KLF8: variants seen among roughly 807,000 people sequenced by gnomAD.
The protein encoded by KLF8 is KLF transcription factor 8, also known as Krueppel-like factor 8.
KLF8 carries 10 observed loss-of-function variants against 18.2 expected under a neutral mutation model. The observed-to-expected ratio is 0.55, with a 90% CI of 0.34 to 0.93. KLF8 has a LOEUF of 0.93. Ranked by LOEUF, KLF8 falls within the 40% of genes least tolerant of loss-of-function variation. The pLI is 0.02. For synonymous variants in KLF8, 109 were observed against 97.3 expected (o/e 1.12, Z -0.71); for missense variants, 264 against 277.9 (o/e 0.95, Z 0.36).
At chrX:56,242,184 C>T (rs977569627) in intron 1 of KLF8, among the ~76,000 whole-genome samples, 1 of 112,121 alleles carries the variant, frequency 8.9e-6, no homozygotes, top group Non-Finnish European at 1.9e-5. Context: ...TTCATTCTGG[C>T]GTATTTATTT....
intron 1 of KLF8, among the ~76,000 whole-genome samples, chrX:56,246,532 A>C (rs1472220603): frequency 9.0e-6 from 1 of 111,551 alleles, no homozygotes; most frequent in African/African-American, 3.3e-5. Flanking sequence ...AAACAGACAC[A>C]GGAGGCTGGA....
At chrX:56,214,322 T>C in the KLF8 span, among the ~76,000 whole-genome samples, 3 of 112,522 alleles carry the variant, frequency 2.7e-5, no homozygotes, top group African/African-American at 9.7e-5. Context: ...AGAATTTCTC[T>C]GCCTCCTGTC....
the KLF8 span, among the ~76,000 whole-genome samples, chrX:56,131,774 G>T: frequency 1.8e-5 from 2 of 111,373 alleles, no homozygotes; most frequent in South Asian, 7.5e-4. Context: ...ATAAACTTAA[G>T]GTAAAAGGGT....
the KLF8 span, among the ~76,000 whole-genome samples, chrX:56,210,681 C>A: frequency 9.1e-6 from 1 of 109,970 alleles, no homozygotes; most frequent in South Asian, 3.9e-4. Flanking sequence ...TAGATTTGCC[C>A]TTTTGACACT....
chrX:56,188,083 T>A, the KLF8 span, among the ~76,000 whole-genome samples: 66 of 111,039 alleles, frequency 5.9e-4, no homozygotes, highest in African/African-American at 2.1e-3. Flanking sequence ...GAAGTCAAAT[T>A]GTCCCTGTTT....
At chrX:56,019,074 C>T in the KLF8 span, among the ~76,000 whole-genome samples, 2 of 111,489 alleles carry the variant, frequency 1.8e-5, no homozygotes, top group Non-Finnish European at 3.8e-5. Context: ...GGGTGGAATC[C>T]CCATACTGCT....
At chrX:56,192,875 C>A in the KLF8 span, among the ~76,000 whole-genome samples, 807 of 111,600 alleles carry the variant, frequency 7.2e-3, 35 homozygotes, top group Admixed American at 0.069. Flanking sequence ...AAGTTTCTAT[C>A]ACAAGAAAAC....
At chrX:56,197,904 T>A in the KLF8 span, among the ~76,000 whole-genome samples, 2 of 112,034 alleles carry the variant, frequency 1.8e-5, no homozygotes, top group Non-Finnish European at 3.8e-5. Flanking sequence ...TCAAGTTGGC[T>A]TCCTCCCTGG....
chrX:56,023,647 CTT>C, the KLF8 span, among the ~76,000 whole-genome samples: 1 of 105,068 alleles, frequency 9.5e-6, no homozygotes. Flanking sequence ...GGTATTCATA[CTT>C]TTTTTTTTTA....
the KLF8 span, among the ~76,000 whole-genome samples, chrX:56,079,000 A>ATTCAT: frequency 3.6e-5 from 4 of 109,811 alleles, no homozygotes; most frequent in Admixed American, 2.9e-4. Flanking sequence ...CCCCTTTATC[A>ATTCAT]TTTTTTATCA....
At chrX:56,058,289 T>TACATAC in the KLF8 span, among the ~76,000 whole-genome samples, 2,040 of 25,046 alleles carry the variant, frequency 0.081, 205 homozygotes, top group African/African-American at 0.11. Context: ...CATATATATA[T>TACATAC]ATATATATAT....
the KLF8 span, among the ~76,000 whole-genome samples, chrX:55,996,236 G>T: frequency 3.6e-5 from 4 of 110,944 alleles, no homozygotes; most frequent in African/African-American, 1.3e-4. Flanking sequence ...TCTTAAAGTG[G>T]CTATTCCATT....
the KLF8 span, among the ~76,000 whole-genome samples, chrX:55,947,087 C>G: frequency 1.8e-5 from 2 of 111,311 alleles, no homozygotes; most frequent in Non-Finnish European, 1.9e-5. Context: ...GGCGATTCCT[C>G]AGGGATCTAG....
Position 56,233,277 on chromosome X carries a change from T to G in KLF8, c.-58T>G. The G allele has an allele frequency of 8.3e-7, 1 of 1,200,842 alleles. No individual in the cohort carries two copies. The highest frequency in any genetic ancestry group is 2.3e-4 in the Middle Eastern group (1 of 4,328). On this transcript the variant is annotated 5_prime_UTR_variant, in exon 1 of 6. It removes an upstream start codon present in the reference 5' UTR. Coordinates refer to ENST00000468660, the MANE Select transcript of KLF8 (RefSeq NM_007250.5). ...CTCTCTTGCGATCAGCTCAGGAGTA[T>G]GAGCCTCCCGGAGGACGGCATGAGT...
intron 1 of KLF8, among the ~76,000 whole-genome samples, chrX:56,237,482 G>T (rs1393544649): frequency 9.1e-6 from 1 of 109,754 alleles, no homozygotes; most frequent in African/African-American, 3.3e-5. Context: ...AACACATTCT[G>T]CATATTGTTC....
the KLF8 span, among the ~76,000 whole-genome samples, chrX:55,921,453 T>C: frequency 2.7e-5 from 3 of 112,161 alleles, no homozygotes; most frequent in African/African-American, 9.7e-5. Flanking sequence ...GCTGTAGTAT[T>C]GTTTGCAGTC....
chrX:56,121,234 A>T, the KLF8 span, among the ~76,000 whole-genome samples: 2 of 110,054 alleles, frequency 1.8e-5, no homozygotes, highest in African/African-American at 6.6e-5. Context: ...CACCACACAC[A>T]TAAGGCTTCC....
At chrX:55,946,593 G>A in the KLF8 span, among the ~76,000 whole-genome samples, 32 of 111,535 alleles carry the variant, frequency 2.9e-4, no homozygotes, top group African/African-American at 9.4e-4. Flanking sequence ...CTTCATGTTT[G>A]AAACACCAAA....
At chrX:56,210,432 G>A in the KLF8 span, among the ~76,000 whole-genome samples, 5 of 111,533 alleles carry the variant, frequency 4.5e-5, no homozygotes, top group East Asian at 5.6e-4. Flanking sequence ...ATTATATGTC[G>A]TTTGTTTATC....
Sources: allele counts gnomAD v4.1 joint callset (sites outside exome capture counted in the v4.1 genomes callset), GRCh38; gene constraint gnomAD v4.1.1; transcripts MANE v1.5; gene names NCBI Gene and HGNC (gene_info 2026-07-23, HGNC 2026-07-21).